Variants in EYA4 observed in about 807,000 individuals in gnomAD.
EYA4 encodes the protein protein phosphatase EYA4.
Under a neutral mutation model 87.9 loss-of-function variants are expected in EYA4, and 31 were observed. That is an observed-to-expected ratio of 0.35 (90% CI 0.27 to 0.48). The LOEUF (loss-of-function observed/expected upper bound fraction) is 0.48. Among genes scored for constraint, EYA4 ranks in the 20% least tolerant of loss-of-function variants. The pLI, the probability that EYA4 is intolerant of heterozygous loss-of-function variation, is 0.99. For missense variants in EYA4, 678 were observed against 761.4 expected (o/e 0.89, Z 1.29); for synonymous variants, 263 against 270.6 (o/e 0.97, Z 0.28).
At chr6:133,359,568 A>G (rs1406661720) in intron 2 of EYA4, among the ~76,000 whole-genome samples, 1 of 152,230 alleles carries the variant, frequency 6.6e-6, no homozygotes. Context: ...AGGCACGTGT[A>G]AAGTAATAGC....
At chr6:133,401,255 G>A (rs1282905902) in intron 3 of EYA4, among the ~76,000 whole-genome samples, 1 of 152,024 alleles carries the variant, frequency 6.6e-6, no homozygotes, top group Non-Finnish European at 1.5e-5. Context: ...AGGGTAGGAA[G>A]GAAGGAGGGA....
intron 3 of EYA4, among the ~76,000 whole-genome samples, chr6:133,434,069 A>C (rs9375963): frequency 0.19 from 29,647 of 152,172 alleles, 3,061 homozygotes; most frequent in East Asian, 0.32. Context: ...ACTGTTAAAG[A>C]AGAATCCTGG....
At chr6:133,350,098 C>A (rs960082626) in intron 2 of EYA4, among the ~76,000 whole-genome samples, 1 of 152,030 alleles carries the variant, frequency 6.6e-6, no homozygotes, top group Non-Finnish European at 1.5e-5. Flanking sequence ...GCTCCCTTTG[C>A]CATTTCTCTT....
chr6:133,530,027 T>A lies in EYA4; in HGVS notation c.*1222T>A. The A allele has an allele frequency of 9.1e-6, 9 of 985,208 alleles. No individual in the cohort carries two copies. The highest frequency in any genetic ancestry group is 1.1e-5 in the Non-Finnish European group (9 of 829,746). The allele number at this position is 985,208 out of a possible 1,614,324, so 61.0% of individuals were successfully genotyped here. A position where few individuals can be genotyped will look rare whatever the true frequency, so the allele number is the denominator to read the frequency against. The stretch of plus-strand genomic sequence containing the variant: ...TAAAGCTAAGTATGTTTATTCCCAA[T>A]GCCATGGCAAAAATGATAATATCAT... On this transcript the variant is annotated 3_prime_UTR_variant, in exon 20 of 20. Coordinates refer to ENST00000355286, the MANE Select transcript of EYA4 (RefSeq NM_004100.5).
chr6:133,305,708 C>T (rs573237978), intron 2 of EYA4, among the ~76,000 whole-genome samples: 1 of 152,166 alleles, frequency 6.6e-6, no homozygotes, highest in East Asian at 1.9e-4. Context: ...TCTCACTAAC[C>T]CAAGGTGGTA....
In EYA4 at chr6:133,448,165, C is replaced by G. The variant is rs727503050; in HGVS notation, c.263C>G (p.Pro88Arg). The change falls in exon 5 of 20, where the codon CCC becomes CGC. Residue 88 changes from proline (P) to arginine (R), a missense_variant. Pro to Arg is a moderately radical substitution (Grantham distance 103). Coordinates refer to ENST00000355286, the MANE Select transcript of EYA4 (RefSeq NM_004100.5). ...TADWLLSCNT[P>R]SSATMSLLAV... ...GACTGGTTGCTGAGTTGCAACACCC[C>G]CTCTTCTGCAACAAGTATGAGAGAT... The G allele has an allele frequency of 1.2e-5, 20 of 1,612,934 alleles. No individual in the cohort carries two copies. The Admixed American group carries it at 3.0e-4, about 24-fold the overall frequency.
At chr6:133,365,434 C>T (rs956830637) in intron 2 of EYA4, among the ~76,000 whole-genome samples, 1 of 152,140 alleles carries the variant, frequency 6.6e-6, no homozygotes, top group Non-Finnish European at 1.5e-5. Flanking sequence ...ATGGAGGTGA[C>T]TGAGTGACAA....
At chr6:133,341,402 G>C (rs996951596) in intron 2 of EYA4, among the ~76,000 whole-genome samples, 1 of 152,124 alleles carries the variant, frequency 6.6e-6, no homozygotes, top group African/African-American at 2.4e-5. Flanking sequence ...ACACTTTGTA[G>C]GTACGCAGGA....
At chr6:133,292,227 A>G (rs1778546719) in intron 2 of EYA4, among the ~76,000 whole-genome samples, 2 of 152,342 alleles carry the variant, frequency 1.3e-5, no homozygotes, top group South Asian at 4.1e-4. Flanking sequence ...CTGCAAAAGT[A>G]AGTCAGGAAT....
chr6:133,342,858 A>G (rs989022528), intron 2 of EYA4, among the ~76,000 whole-genome samples: 2 of 152,154 alleles, frequency 1.3e-5, no homozygotes, highest in South Asian at 4.1e-4. Flanking sequence ...TATTTTAAAA[A>G]TATGGTACAG....
intron 2 of EYA4, among the ~76,000 whole-genome samples, chr6:133,368,938 C>G (rs901419322): frequency 6.6e-6 from 1 of 152,168 alleles, no homozygotes; most frequent in Non-Finnish European, 1.5e-5. Flanking sequence ...TCAGTAAATA[C>G]TTGTGCTACA....
chr6:133,281,499 A>G (rs1777622571), intron 2 of EYA4, among the ~76,000 whole-genome samples: 1 of 152,222 alleles, frequency 6.6e-6, no homozygotes, highest in African/African-American at 2.4e-5. Flanking sequence ...AATGGCCTTC[A>G]CAAATACTTA....
chr6:133,281,700 T>C (rs9483567), intron 2 of EYA4, among the ~76,000 whole-genome samples: 7,488 of 152,206 alleles, frequency 0.049, 541 homozygotes, highest in African/African-American at 0.16. Flanking sequence ...GTTTGGGGTA[T>C]GATTGATGCC....
chr6:133,267,062 C>G (rs1776281599), intron 1 of EYA4, among the ~76,000 whole-genome samples: 1 of 152,090 alleles, frequency 6.6e-6, no homozygotes, highest in Non-Finnish European at 1.5e-5. Context: ...GTGAAAGAGG[C>G]CATTTGCAGA....
intron 2 of EYA4, among the ~76,000 whole-genome samples, chr6:133,362,854 C>T (rs747535543): frequency 9.8e-5 from 15 of 152,356 alleles, no homozygotes; most frequent in Non-Finnish European, 1.3e-4. Flanking sequence ...GACTCTACTT[C>T]AGCTTTAGCT....
In EYA4 at chr6:133,531,250, G is replaced by T; in HGVS notation, c.*2445G>T. 6.6e-7 allele frequency: 1 copy of T among 1,514,240 alleles called. No individual in the cohort carries two copies. The allele number at this position is 1,514,240 out of a possible 1,614,324, so 93.8% of individuals were successfully genotyped here. A position where few individuals can be genotyped will look rare whatever the true frequency, so the allele number is the denominator to read the frequency against. On this transcript the variant is annotated 3_prime_UTR_variant, in exon 20 of 20. Transcript: ENST00000355286. Reference sequence around the variant, plus strand: ...AAAACCTAAATGCAAGGTTGACGGAGAACAGCTTGTCTGGCACAACAATGG... The same window carrying T: ...AAAACCTAAATGCAAGGTTGACGGATAACAGCTTGTCTGGCACAACAATGG...
chr6:133,307,855 T>C (rs1779924350), intron 2 of EYA4, among the ~76,000 whole-genome samples: 1 of 152,190 alleles, frequency 6.6e-6, no homozygotes, highest in African/African-American at 2.4e-5. Context: ...GATTGTGTCA[T>C]GACCCAAATC....
At chr6:133,490,681 A>C (rs562218916) in intron 13 of EYA4, among the ~76,000 whole-genome samples, 1 of 152,328 alleles carries the variant, frequency 6.6e-6, no homozygotes, top group South Asian at 2.1e-4. Flanking sequence ...ATATGCACTC[A>C]ATACTGGAGC....
intron 11 of EYA4, among the ~76,000 whole-genome samples, chr6:133,480,638 CAATT>C (rs375542706): frequency 8.7e-4 from 133 of 152,186 alleles, no homozygotes; most frequent in Middle Eastern, 3.4e-3. Context: ...TATATTGAGT[CAATT>C]AACACATTGA....
Sources: allele counts gnomAD v4.1 joint callset (sites outside exome capture counted in the v4.1 genomes callset), GRCh38; gene constraint gnomAD v4.1.1; transcripts MANE v1.5; gene names NCBI Gene and HGNC (gene_info 2026-07-23, HGNC 2026-07-21).